Variants in TBCK observed in about 807,000 individuals in gnomAD.
The protein encoded by TBCK is TBC domain-containing protein kinase-like protein.
Under a neutral mutation model 113.4 loss-of-function variants are expected in TBCK, and 99 were observed. The observed-to-expected ratio is 0.87, with a 90% confidence interval of 0.74 to 1.03. The LOEUF is 1.03. Among genes scored for constraint, TBCK ranks in the 50% least tolerant of loss-of-function variants. The probability of loss-of-function intolerance (pLI) is 0.00; values close to 1 mark genes in which losing one functional copy is unlikely to be tolerated. For synonymous variants in TBCK, 369 were observed against 370.8 expected, an observed-to-expected ratio of 1.00 and a Z score of 0.05; for missense variants, 1,045 against 1,061.3, an observed-to-expected ratio of 0.98 and a Z score of 0.21.
chr4:106,303,554 A>G (rs1179457416), intron 2 of TBCK, among the ~76,000 whole-genome samples: 1 of 152,126 alleles, frequency 6.6e-6, no homozygotes. Context: ...AATAATCTTC[A>G]AAGCCCTTCA....
Position 106,223,520 on chromosome 4 carries a change from G to A in TBCK, c.1774+6843C>T, listed in dbSNP as rs185875392. ...CCAATTTAGTTGTACAGTCAATCTA[G>A]CTATATGTGGTACTATATTAAATGT... On this transcript the variant is annotated intron_variant, in intron 19 of 25. Coordinates refer to ENST00000394708, the MANE Select transcript of TBCK (RefSeq NM_001163435.3). 1.1e-4 allele frequency among the ~76,000 whole-genome samples: 16 copies of A among 152,166 alleles called. No individual in the cohort carries two copies. In the East Asian group the frequency reaches 2.9e-3, roughly 28 times the overall value.
intron 25 of TBCK, among the ~76,000 whole-genome samples, chr4:106,050,652 A>C (rs1480234540): frequency 6.6e-6 from 1 of 152,054 alleles, no homozygotes; most frequent in Non-Finnish European, 1.5e-5. Context: ...TAATGAAAAT[A>C]ACATAAAAAC....
At position 106,206,194 on chromosome 4, in the gene TBCK, G is replaced by A. The variant is rs1486157722; in HGVS notation, c.1860+6556C>T. Among the ~76,000 whole-genome samples, 9 of 152,122 alleles carry A rather than the reference G, an allele frequency of 5.9e-5. No individual in the cohort carries two copies. In the East Asian group the frequency reaches 1.7e-3, roughly 29 times the overall value. The stretch of plus-strand genomic sequence containing the variant: ...CATTATGCCATACTTCCTTTCACCT[G>A]TTTCTGGACAGCATAAGGAATCATT... On this transcript the variant is annotated intron_variant, in intron 20 of 25. Coordinates refer to ENST00000394708, the MANE Select transcript of TBCK (RefSeq NM_001163435.3).
intron 22 of TBCK, among the ~76,000 whole-genome samples, chr4:106,177,246 T>C (rs1409293116): frequency 6.6e-6 from 1 of 151,764 alleles, no homozygotes; most frequent in Non-Finnish European, 1.5e-5. Context: ...TACTAATCCT[T>C]TGTTGGTTGA....
intron 2 of TBCK, among the ~76,000 whole-genome samples, chr4:106,300,871 C>A (rs10009666): frequency 1.1e-3 from 172 of 152,202 alleles, no homozygotes; most frequent in African/African-American, 4.0e-3. Flanking sequence ...GAGGCTGAGA[C>A]GGGAGGATCA....
chr4:106,111,175 G>C (rs893660583), intron 24 of TBCK, among the ~76,000 whole-genome samples: 1 of 152,066 alleles, frequency 6.6e-6, no homozygotes, highest in East Asian at 1.9e-4. Flanking sequence ...AAATTATAAA[G>C]AGCCCATGAA....
At chr4:106,316,545 T>A (rs1768903164), upstream of TBCK, 1 of 1,551,512 alleles carries the variant, frequency 6.4e-7, no homozygotes, top group South Asian at 1.2e-5. Flanking sequence ...TGGCTGGACC[T>A]ACATGCTTCC....
At chr4:106,252,157 A>T in intron 5 of TBCK, 150 bp from the exon 6 acceptor site, 1 of 577,792 alleles carries the variant, frequency 1.7e-6, no homozygotes, top group East Asian at 2.9e-5. Context: ...AACCATCATA[A>T]TACAGAACTT....
chr4:106,211,674 A>C (rs1243921503), intron 20 of TBCK, among the ~76,000 whole-genome samples: 1 of 152,048 alleles, frequency 6.6e-6, no homozygotes, highest in Non-Finnish European at 1.5e-5. Context: ...TAGTTTTAGG[A>C]AGTTTTTAAC....
chr4:106,205,342 A>G (rs1755351058), intron 20 of TBCK, among the ~76,000 whole-genome samples: 1 of 152,148 alleles, frequency 6.6e-6, no homozygotes, highest in Admixed American at 6.5e-5. Flanking sequence ...AAAATTATGT[A>G]TGAGTAAAAG....
At chr4:106,262,500 T>G (rs1379863363) in intron 3 of TBCK, among the ~76,000 whole-genome samples, 1 of 152,064 alleles carries the variant, frequency 6.6e-6, no homozygotes, top group African/African-American at 2.4e-5. Context: ...TGGTGGTGAG[T>G]GCAACTAACC....
At chr4:106,051,698 G>T (rs1408849895) in intron 25 of TBCK, among the ~76,000 whole-genome samples, 1 of 151,844 alleles carries the variant, frequency 6.6e-6, no homozygotes, top group African/African-American at 2.4e-5. Context: ...ATTTCTAAGA[G>T]CTTGGCTAGA....
chr4:106,170,752 T>G (rs754552145), intron 23 of TBCK, among the ~76,000 whole-genome samples: 1 of 152,134 alleles, frequency 6.6e-6, no homozygotes, highest in Non-Finnish European at 1.5e-5. Context: ...AACAATAAGT[T>G]CCTGCTCTAT....
At chr4:106,283,755 G>C (rs1412058583) in intron 3 of TBCK, among the ~76,000 whole-genome samples, 1 of 151,130 alleles carries the variant, frequency 6.6e-6, no homozygotes, top group Non-Finnish European at 1.5e-5. Flanking sequence ...TTTTCCTCTG[G>C]GGGAAAAAAA....
At chr4:106,065,030 TG>T (rs1445993663) in intron 25 of TBCK, among the ~76,000 whole-genome samples, 5 of 151,992 alleles carry the variant, frequency 3.3e-5, no homozygotes, top group Admixed American at 1.3e-4. Flanking sequence ...TAGGGTAATG[TG>T]GGTAATGGTT....
intron 22 of TBCK, among the ~76,000 whole-genome samples, chr4:106,179,216 T>C (rs1752044565): frequency 6.6e-6 from 1 of 152,056 alleles, no homozygotes; most frequent in East Asian, 1.9e-4. Flanking sequence ...GTTGATCTTT[T>C]GTATTGTTTT....
intron 1 of TBCK, chr4:106,309,830 T>G (rs1385867562): frequency 1.3e-5 from 2 of 152,368 alleles, no homozygotes; most frequent in Non-Finnish European, 2.9e-5. Context: ...ATGTATGATC[T>G]GCTTTAATCC....
At chr4:106,051,531 T>C (rs1004607761) in intron 25 of TBCK, among the ~76,000 whole-genome samples, 7 of 152,002 alleles carry the variant, frequency 4.6e-5, no homozygotes, top group African/African-American at 1.4e-4. Flanking sequence ...TAAGCAGCTG[T>C]AGTAATTTGT....
intron 11 of TBCK, 87 bp from the exon 12 acceptor site, chr4:106,242,656 T>C (rs1760290959): frequency 1.3e-6 from 1 of 779,002 alleles, no homozygotes; most frequent in Non-Finnish European, 2.0e-6. Context: ...AAGTCATCAA[T>C]CCCTTCATCA....
Sources: allele counts gnomAD v4.1 joint callset (sites outside exome capture counted in the v4.1 genomes callset), GRCh38; gene constraint gnomAD v4.1.1; transcripts MANE v1.5; gene names NCBI Gene and HGNC (gene_info 2026-07-23, HGNC 2026-07-21).